The following TRPM6 variants were observed in gnomAD, a reference collection of about 807,000 sequenced individuals.
The protein encoded by TRPM6 is channel kinase 2.
A neutral mutation model predicts 247.6 loss-of-function variants in TRPM6; 111 were observed. That is an observed-to-expected ratio of 0.45 (90% CI 0.38 to 0.52). TRPM6 has a LOEUF of 0.52. TRPM6 is among the 20% of genes least tolerant of loss of function. TRPM6 has a pLI of 0.00. For synonymous variants in TRPM6, 892 were observed against 853.8 expected (o/e 1.04, Z -0.78); for missense variants, 2,126 against 2,421.5 (o/e 0.88, Z 2.56).
At chr9:74,837,416 T>C (rs562924586) in intron 5 of TRPM6, among the ~76,000 whole-genome samples, 3 of 152,254 alleles carry the variant, frequency 2.0e-5, no homozygotes, top group South Asian at 4.1e-4. Context: ...TGTGGTTGAA[T>C]CAGGTTAGCC....
At chr9:74,851,763 A>AT (rs1269419280) in intron 3 of TRPM6, among the ~76,000 whole-genome samples, 2,088 of 138,330 alleles carry the variant, frequency 0.015, 55 homozygotes, top group African/African-American at 0.049. Flanking sequence ...AAAAAAAAAA[A>AT]ATATATATAT....
intron 14 of TRPM6, among the ~76,000 whole-genome samples, chr9:74,805,535 T>C (rs1004645149): frequency 6.6e-6 from 1 of 152,216 alleles, no homozygotes; most frequent in African/African-American, 2.4e-5. Flanking sequence ...AACTGAGATG[T>C]TGCTTAAGTA....
rs1825178100 is a variant in TRPM6 at position 74,722,515 on chromosome 9, A to G, written c.*2098T>C. 6.6e-6 allele frequency: 1 copy of G among 152,198 alleles called. No homozygotes were observed. The highest frequency in any genetic ancestry group is 2.4e-5 in the African/African-American group (1 of 41,452). 9.4% of individuals were successfully genotyped at this position (152,198 alleles called of 1,614,324 possible). ...CCACAGAAATTTGAAATCCAAATGT[A>G]TTTGCTTTCAAGTTCCATTCCAGGT... On this transcript the variant is annotated 3_prime_UTR_variant, in exon 39 of 39. Transcript: ENST00000360774.
chr9:74,825,748 T>C (rs1829309071), intron 7 of TRPM6, among the ~76,000 whole-genome samples: 1 of 152,126 alleles, frequency 6.6e-6, no homozygotes, highest in Non-Finnish European at 1.5e-5. Flanking sequence ...GCATACATTA[T>C]AGCGCTGCAC....
At chr9:74,857,975 G>C (rs1830578155) in intron 2 of TRPM6, among the ~76,000 whole-genome samples, 1 of 152,156 alleles carries the variant, frequency 6.6e-6, no homozygotes, top group Admixed American at 6.5e-5. Flanking sequence ...TGTAACACTA[G>C]ATATTTCTGT....
chr9:74,807,741 C>T (rs1343783474), intron 14 of TRPM6, among the ~76,000 whole-genome samples: 1 of 152,126 alleles, frequency 6.6e-6, no homozygotes, highest in Admixed American at 6.6e-5. Flanking sequence ...TCCCTCTAAC[C>T]TGCCTCATCA....
At position 74,826,296 on chromosome 9, in the gene TRPM6, C is replaced by T. The variant is rs568043574; in HGVS notation, c.841+1482G>A. Among the ~76,000 whole-genome samples the T allele has an allele frequency of 7.9e-5, 12 of 152,304 alleles. No individual in the cohort carries two copies. In the East Asian group the frequency reaches 1.7e-3, roughly 22 times the overall value. On this transcript the variant is annotated intron_variant, in intron 7 of 38. Coordinates refer to ENST00000360774, the MANE Select transcript of TRPM6 (RefSeq NM_017662.5). The stretch of plus-strand genomic sequence containing the variant: ...CAAGGTCACAGGCACAAAATGACAG[C>T]GCTTCAATCTGTCTGACCTCACTAC...
chr9:74,870,242 C>G (rs1424516359), intron 1 of TRPM6, among the ~76,000 whole-genome samples: 1 of 152,162 alleles, frequency 6.6e-6, no homozygotes, highest in Middle Eastern at 3.2e-3. Context: ...TACAGTATCT[C>G]ATTGGATGCC....
chr9:74,812,426 G>A lies in TRPM6; in HGVS notation c.1316C>T (p.Ala439Val), dbSNP rs377529438. Residue 439 changes from alanine to valine, a missense_variant, in exon 12 of 39, where the codon GCC becomes GTC. Transcript: ENST00000360774. The part of the protein sequence containing the change: ...LIYEQHWKPD[A>V]LEQAMSDALV... ...AGCATCTGACATTGCTTGTTCCAGG[G>A]CATCAGGCTTCAGAAAGCACAAATA... 53 of 1,613,694 alleles carry A rather than the reference G, an allele frequency of 3.3e-5. No homozygotes were observed. In the Admixed American group the frequency reaches 3.5e-4, roughly 11 times the overall value.
intron 37 of TRPM6, 109 bp from the exon 38 acceptor site, chr9:74,728,454 G>A: frequency 2.5e-6 from 2 of 791,916 alleles, no homozygotes; most frequent in Non-Finnish European, 4.3e-6. Flanking sequence ...TAAACTTGAA[G>A]GAGCCAACAA....
intron 1 of TRPM6, 60 bp downstream of exon 1, chr9:74,887,764 G>A (rs1318865359): frequency 1.2e-6 from 2 of 1,613,476 alleles, no homozygotes; most frequent in Non-Finnish European, 1.7e-6. Context: ...GGCCGGGGGC[G>A]CAGATCTAGC....
At chr9:74,767,805 A>T (rs548795203) in intron 25 of TRPM6, among the ~76,000 whole-genome samples, 1 of 152,276 alleles carries the variant, frequency 6.6e-6, no homozygotes, top group Admixed American at 6.5e-5. Flanking sequence ...CCCTGCCTCT[A>T]TAAAAATGAA....
At chr9:74,740,064 G>T in intron 33 of TRPM6, 55 bp from the exon 34 acceptor site, 1 of 1,581,102 alleles carries the variant, frequency 6.3e-7, no homozygotes, top group Non-Finnish European at 8.6e-7. Context: ...TCTGTGACAT[G>T]AATAGTATCC....
intron 6 of TRPM6, among the ~76,000 whole-genome samples, chr9:74,830,850 G>C (rs1829522713): frequency 7.2e-6 from 1 of 139,184 alleles, no homozygotes; most frequent in Non-Finnish European, 1.5e-5. Context: ...GCCGGCCTCG[G>C]CCTCGGCCTC....
chr9:74,858,952 G>T (rs569801878), intron 1 of TRPM6, among the ~76,000 whole-genome samples: 1 of 152,152 alleles, frequency 6.6e-6, no homozygotes, highest in African/African-American at 2.4e-5. Flanking sequence ...TAAACGACAC[G>T]CAAAGTGAAT....
At chr9:74,838,902 G>C (rs1427284524) in intron 5 of TRPM6, among the ~76,000 whole-genome samples, 2 of 152,142 alleles carry the variant, frequency 1.3e-5, no homozygotes, top group African/African-American at 4.8e-5. Context: ...CTGAGGTCAG[G>C]AGTTCGAGGC....
At chr9:74,866,471 G>T (rs987845558) in intron 1 of TRPM6, among the ~76,000 whole-genome samples, 1 of 149,534 alleles carries the variant, frequency 6.7e-6, no homozygotes, top group Non-Finnish European at 1.5e-5. Flanking sequence ...TTTTGGGGGG[G>T]TTTTTTGTTT....
At chr9:74,750,105 G>A (rs946619154) in intron 30 of TRPM6, among the ~76,000 whole-genome samples, 5 of 152,152 alleles carry the variant, frequency 3.3e-5, no homozygotes, top group African/African-American at 9.7e-5. Flanking sequence ...ACTCAAGTGA[G>A]TTCTCTATCT....
intron 8 of TRPM6, among the ~76,000 whole-genome samples, chr9:74,821,194 T>C (rs760153484): frequency 1.3e-5 from 2 of 152,196 alleles, no homozygotes; most frequent in Non-Finnish European, 2.9e-5. Context: ...AGAAAAATTA[T>C]CTTCTTATTT....
Sources: gnomAD v4.1 joint callset for allele counts (sites outside exome capture counted in the v4.1 genomes callset) on GRCh38, gnomAD v4.1.1 for gene constraint, MANE v1.5 for transcripts, NCBI Gene and HGNC (gene_info 2026-07-23, HGNC 2026-07-21) for gene names.